CBLB: variants seen among roughly 807,000 people sequenced by gnomAD.
CBLB encodes the protein Cbl proto-oncogene B, also known as E3 ubiquitin-protein ligase CBL-B.
In CBLB, 31 loss-of-function variants were observed where a neutral mutation model predicts 104.9. That is an observed-to-expected ratio of 0.30 (90% CI 0.22 to 0.40). The LOEUF (loss-of-function observed/expected upper bound fraction) is 0.40. CBLB is among the 10% of genes least tolerant of loss of function. CBLB has a pLI of 1.00. For missense variants in CBLB, 1,062 were observed against 1,214.6 expected (o/e 0.87, Z 1.87); for synonymous variants, 440 against 422.6 (o/e 1.04, Z -0.51).
chr3:105,752,465 T>C (rs2076676773), intron 4 of CBLB, among the ~76,000 whole-genome samples: 1 of 152,198 alleles, frequency 6.6e-6, no homozygotes, highest in African/African-American at 2.4e-5. Flanking sequence ...TGCCTATTCC[T>C]AATTCGGCAG....
At chr3:105,785,281 G>C (rs1464243497) in intron 3 of CBLB, among the ~76,000 whole-genome samples, 1 of 152,126 alleles carries the variant, frequency 6.6e-6, no homozygotes, top group African/African-American at 2.4e-5. Flanking sequence ...AGACAGATAG[G>C]AATAGCCTAT....
chr3:105,724,901 C>T (rs2073387549), intron 9 of CBLB, among the ~76,000 whole-genome samples: 1 of 152,016 alleles, frequency 6.6e-6, no homozygotes, highest in Non-Finnish European at 1.5e-5. Flanking sequence ...TGATGAAGGT[C>T]ACATAGCAAA....
intron 3 of CBLB, among the ~76,000 whole-genome samples, chr3:105,834,020 T>C (rs975316025): frequency 6.6e-6 from 1 of 151,764 alleles, no homozygotes; most frequent in Non-Finnish European, 1.5e-5. Context: ...TTAATATATT[T>C]TTTAACTGCA....
rs547438229 is a variant in CBLB, at chr3:105,765,575, T to C, written c.566+10821A>G. Among the ~76,000 whole-genome samples the C allele has an allele frequency of 3.3e-5, 5 of 152,256 alleles. No homozygotes were observed. The East Asian group carries it at 7.7e-4, about 24-fold the overall frequency. Reference sequence around the variant, plus strand: ...GACTCTTGTTAGTGGCCAATAAAAGTGATGACTTTAAGTTGAACACAATGT... The same window carrying C: ...GACTCTTGTTAGTGGCCAATAAAAGCGATGACTTTAAGTTGAACACAATGT... On this transcript the variant is annotated intron_variant, in intron 4 of 18. Coordinates refer to ENST00000394030, the MANE Select transcript of CBLB (RefSeq NM_170662.5).
intron 11 of CBLB, 84 bp downstream of exon 11, chr3:105,703,904 T>A (rs1473574362): frequency 7.8e-7 from 1 of 1,274,386 alleles, no homozygotes; most frequent in South Asian, 1.3e-5. Flanking sequence ...CAAAAAAATA[T>A]GAGTAATGGA....
chr3:105,855,676 G>T (rs1360598682), intron 2 of CBLB, among the ~76,000 whole-genome samples: 2 of 152,114 alleles, frequency 1.3e-5, no homozygotes, highest in East Asian at 3.9e-4. Context: ...CCCAAAACTG[G>T]AAGTATATGC....
intron 17 of CBLB, 33 bp from the exon 18 acceptor site, chr3:105,670,385 G>C: frequency 6.3e-7 from 1 of 1,584,722 alleles, no homozygotes; most frequent in Non-Finnish European, 8.7e-7. Flanking sequence ...AAATTAAAAG[G>C]ATGATCTCTG....
At chr3:105,710,867 C>T (rs1016291464) in intron 10 of CBLB, among the ~76,000 whole-genome samples, 1 of 151,864 alleles carries the variant, frequency 6.6e-6, no homozygotes, top group African/African-American at 2.4e-5. Flanking sequence ...CCACGAGGAA[C>T]AGAGAAATCC....
At chr3:105,736,223 T>C (rs1576728147) in intron 8 of CBLB, among the ~76,000 whole-genome samples, 1 of 152,218 alleles carries the variant, frequency 6.6e-6, no homozygotes, top group East Asian at 1.9e-4. Flanking sequence ...ATTCAAGTTC[T>C]CCCTTCATCC....
chr3:105,700,677 A>G (rs991987748), intron 12 of CBLB, among the ~76,000 whole-genome samples: 4 of 152,230 alleles, frequency 2.6e-5, no homozygotes, highest in African/African-American at 4.8e-5. Flanking sequence ...TATTTATAAT[A>G]GATGAGACTG....
At chr3:105,743,456 T>C (rs538512618) in intron 6 of CBLB, among the ~76,000 whole-genome samples, 48 of 110,220 alleles carry the variant, frequency 4.4e-4, no homozygotes, top group African/African-American at 1.5e-3. Context: ...TGAGACTCTG[T>C]CTCAAAAAAA....
Position 105,838,246 on chromosome 3 carries a change from G to T in CBLB, c.419+15168C>A, listed in dbSNP as rs1454224114. Among the ~76,000 whole-genome samples, 32 of 128,242 alleles carry T rather than the reference G, an allele frequency of 2.5e-4. 2 individuals are homozygous for T. The highest frequency in any genetic ancestry group is 4.1e-4 in the Non-Finnish European group (26 of 63,710). The allele number at this position is 128,242 out of a possible 152,430, so 84.1% of individuals were successfully genotyped here. On this transcript the variant is annotated intron_variant, in intron 3 of 18. Transcript: ENST00000394030. ...CCACAGGCATGGGCCAACACACCTG[G>T]CTATTTTTTTTTTTTTTTTTTTTTT... is the stretch of plus-strand genomic sequence containing the variant.
chr3:105,775,213 A>C (rs758886431), intron 4 of CBLB, among the ~76,000 whole-genome samples: 2 of 152,192 alleles, frequency 1.3e-5, no homozygotes, highest in Non-Finnish European at 1.5e-5. Context: ...CCTAAAAATA[A>C]TTCAGAATAC....
chr3:105,802,665 A>T (rs2083029456), intron 3 of CBLB, among the ~76,000 whole-genome samples: 2 of 152,194 alleles, frequency 1.3e-5, no homozygotes, highest in Admixed American at 1.3e-4. Flanking sequence ...TAGAAGAGGA[A>T]GATGTACAGC....
At chr3:105,771,135 A>G (rs1016680075) in intron 4 of CBLB, among the ~76,000 whole-genome samples, 2 of 152,226 alleles carry the variant, frequency 1.3e-5, no homozygotes, top group African/African-American at 4.8e-5. Flanking sequence ...ACATAGATGC[A>G]AAAATCCTCA....
intron 9 of CBLB, among the ~76,000 whole-genome samples, chr3:105,723,104 C>G (rs1190010458): frequency 6.6e-6 from 1 of 152,150 alleles, no homozygotes; most frequent in Non-Finnish European, 1.5e-5. Flanking sequence ...ATCCATCACA[C>G]TTTATAAATG....
In CBLB at chr3:105,681,359, C is replaced by A; in HGVS notation, c.2428+120G>T. 7.8e-6 allele frequency: 8 copies of A among 1,030,538 alleles called. No homozygotes were observed. In the South Asian group the frequency reaches 1.2e-4, roughly 15 times the overall value. 63.8% of individuals were successfully genotyped at this position (1,030,538 alleles called of 1,614,324 possible). ...GTCACCGGCACCTGGAGAACCCATTCAAATTTCAGGCAAATTCACAACCCA... is the reference window on the plus strand; with the variant it reads ...GTCACCGGCACCTGGAGAACCCATTAAAATTTCAGGCAAATTCACAACCCA... On this transcript the variant is annotated intron_variant, in intron 16 of 18. Coordinates refer to ENST00000394030, the MANE Select transcript of CBLB (RefSeq NM_170662.5).
chr3:105,749,311 G>C lies in CBLB; in HGVS notation c.723+2151C>G, dbSNP rs73854397. Among the ~76,000 whole-genome samples the C allele has an allele frequency of 6.4e-3, 975 of 152,252 alleles. 12 individuals carry two copies. The highest frequency in any genetic ancestry group is 0.022 in the African/African-American group (934 of 41,548). ...TTTTAAAATGATTAGGCATTCCCTA[G>C]CCCAGGTAAGATTTTCATTTTATGA... is the stretch of plus-strand genomic sequence containing the variant. On this transcript the variant is annotated intron_variant, in intron 5 of 18. Coordinates refer to ENST00000394030, the MANE Select transcript of CBLB (RefSeq NM_170662.5).
chr3:105,864,675 A>G (rs2092322329), intron 2 of CBLB, among the ~76,000 whole-genome samples: 1 of 152,138 alleles, frequency 6.6e-6, no homozygotes, highest in Non-Finnish European at 1.5e-5. Flanking sequence ...AACACAACTG[A>G]GCAATTACGC....
Sources: allele counts gnomAD v4.1 joint callset (sites outside exome capture counted in the v4.1 genomes callset), GRCh38; gene constraint gnomAD v4.1.1; transcripts MANE v1.5; gene names NCBI Gene and HGNC (gene_info 2026-07-23, HGNC 2026-07-21).